SLC5A6: variants seen among roughly 807,000 people sequenced by gnomAD.
SLC5A6 encodes sodium-dependent multivitamin transporter.
A neutral mutation model predicts 67.9 loss-of-function variants in SLC5A6; 31 were observed. The ratio of observed to expected loss-of-function variants is 0.46; its 90% CI spans 0.34 to 0.62. SLC5A6 has a LOEUF of 0.62. SLC5A6 is among the 20% of genes least tolerant of loss of function. The pLI is 0.01. For missense variants in SLC5A6, 673 were observed against 812.8 expected (o/e 0.83, Z 2.09); for synonymous variants, 343 against 331.0 (o/e 1.04, Z -0.39).
chr2:27,210,975 G>A (rs1230511860), intron 2 of SLC5A6, among the ~76,000 whole-genome samples: 1 of 152,188 alleles, frequency 6.6e-6, no homozygotes, highest in Non-Finnish European at 1.5e-5. Context: ...AGTGAGCCGA[G>A]ATCGCGCCAC....
upstream of SLC5A6, chr2:27,212,408 C>T: frequency 6.4e-7 from 1 of 1,552,264 alleles, no homozygotes; most frequent in Non-Finnish European, 8.7e-7. Context: ...GACCCTGGTG[C>T]CCTGGGCTGC....
rs1674194550 is a variant in SLC5A6, at chr2:27,207,931, T to C, written c.-140-141A>G. The stretch of plus-strand genomic sequence containing the variant: ...AAGGTCTAGAGGCCCTGGTATGGGT[T>C]TGGTAGGGGACATAAGTGAGGGAGA... On this transcript the variant is annotated intron_variant, in intron 2 of 16. Transcript: ENST00000310574. This position sits in a 1 kb window ranked among gnomAD's most constrained non-coding sequence, Gnocchi z 5.5. 1 of 488,564 alleles carries C rather than the reference T, an allele frequency of 2.0e-6. No homozygotes were observed. The allele number at this position is 488,564 out of a possible 1,614,324, so 30.3% of individuals were successfully genotyped here. A position where few individuals can be genotyped will look rare whatever the true frequency, so the allele number is the denominator to read the frequency against.
chr2:27,202,583 G>C (rs1005665288), intron 12 of SLC5A6, among the ~76,000 whole-genome samples: 4 of 145,198 alleles, frequency 2.8e-5, no homozygotes, highest in Non-Finnish European at 6.1e-5. Context: ...TGTGTTTTGA[G>C]TTCTCTGAGG....
chr2:27,212,549 C>T, upstream of SLC5A6: 1 of 1,495,640 alleles, frequency 6.7e-7, no homozygotes, highest in Non-Finnish European at 8.9e-7. Flanking sequence ...TCCCCCTTCT[C>T]CTCGGCGGGC....
rs1673523280 is a variant in SLC5A6 at position 27,200,354 on chromosome 2, C to A, written c.*82G>T. The A allele has an allele frequency of 1.4e-6, 2 of 1,420,916 alleles. No homozygotes were observed. Among genetic ancestry groups the A allele is most frequent in the African/African-American group, 1.4e-5 (1 of 70,372 alleles). The allele number at this position is 1,420,916 out of a possible 1,614,324, so 88.0% of individuals were successfully genotyped here. A position where few individuals can be genotyped will look rare whatever the true frequency, so the allele number is the denominator to read the frequency against. ...TCCAGGCCTGTCCCTGCAGAACACA[C>A]CAAGACTCATCCCTGTACTACAGGG... is the stretch of plus-strand genomic sequence containing the variant. On this transcript the variant is annotated 3_prime_UTR_variant, in exon 17 of 17. Coordinates refer to ENST00000310574, the MANE Select transcript of SLC5A6 (RefSeq NM_021095.4).
At chr2:27,209,029 G>A (rs1674278031) in intron 2 of SLC5A6, among the ~76,000 whole-genome samples, 1 of 152,186 alleles carries the variant, frequency 6.6e-6, no homozygotes, top group Non-Finnish European at 1.5e-5. Context: ...GAGAAAGAGG[G>A]AAGGGATCAT....
At chr2:27,202,486 A>G (rs184179507) in intron 12 of SLC5A6, among the ~76,000 whole-genome samples, 6 of 122,396 alleles carry the variant, frequency 4.9e-5, no homozygotes, top group Non-Finnish European at 9.8e-5. Context: ...CCTGAGCAAC[A>G]GAATGAGACT....
At position 27,205,442 on chromosome 2, in the gene SLC5A6, C is replaced by G. The variant is rs201198229; in HGVS notation, c.642G>C (p.Gln214His). The G allele has an allele frequency of 5.0e-6, 8 of 1,614,202 alleles. No homozygotes were observed. The East Asian group carries it at 1.6e-4, about 31-fold the overall frequency. ...CTGACCCCACAATGATAACTGCCAGCTGCCCGAGGAACATGACCAGTGTCT... is the reference window on the plus strand; with the variant it reads ...CTGACCCCACAATGATAACTGCCAGGTGCCCGAGGAACATGACCAGTGTCT... ...VFQTLVMFLG[Q>H]LAVIIVGSAK... is the part of the protein sequence containing the mutation. The change falls in exon 7 of 17, where the codon CAG becomes CAC. Residue 214 changes from glutamine (Q) to histidine (H), a missense_variant. Transcript: ENST00000310574.
Position 27,203,806 on chromosome 2 carries a change from A to G in SLC5A6, c.1067T>C (p.Ile356Thr), listed in dbSNP as rs1042455362. The G allele has an allele frequency of 1.2e-5, 20 of 1,613,936 alleles. No homozygotes were observed. Among genetic ancestry groups the G allele is most frequent in the Non-Finnish European group, 1.7e-5 (20 of 1,179,940 alleles). The change falls in exon 10 of 17, where the codon ATT becomes ACT. Residue 356 changes from isoleucine (I) to threonine (T), a missense_variant. Transcript: ENST00000310574. ...GAGAGAGCCGCTGAAGAGGCAGGCA[A>G]TGAAGAGCCCTGGCAGGCCTGGCAG... ...KGLPGLPGLF[I>T]ACLFSGSLST...
Position 27,201,826 on chromosome 2 carries a change from C to G in SLC5A6, c.1384G>C (p.Ala462Pro), listed in dbSNP as rs376060817. ...ATCCAGAAGGCCATGACGAGCCCAG[C>G]CAACAGGCCCACAACAGCACCCTGC... The part of the protein sequence containing the change: ...NPPGAVVGLL[A>P]GLVMAFWIGI... Residue 462 changes from alanine to proline, a missense_variant, in exon 14 of 17, where the codon GCT becomes CCT. Ala to Pro is a conservative substitution (Grantham distance 27, BLOSUM62 -1). Coordinates refer to ENST00000310574, the MANE Select transcript of SLC5A6 (RefSeq NM_021095.4). The G allele has an allele frequency of 6.2e-7, 1 of 1,613,998 alleles. No homozygotes were observed. The highest frequency in any genetic ancestry group is 8.5e-7 in the Non-Finnish European group (1 of 1,179,986).
At chr2:27,201,628 G>A (rs1006898) in intron 14 of SLC5A6, 38 bp downstream of exon 14, 1,443,428 of 1,595,984 alleles carry the variant, frequency 0.9, 660,758 homozygotes, top group East Asian at 1. Flanking sequence ...TCAAAGGAGG[G>A]CTTTGAGAAA....
chr2:27,211,393 C>A (rs552535974), intron 2 of SLC5A6, 74 bp downstream of exon 2: 4 of 152,490 alleles, frequency 2.6e-5, no homozygotes, highest in African/African-American at 9.6e-5. Context: ...CACTGTCGCG[C>A]CGGGAGCAGG....
rs1377596116 is a variant in SLC5A6 at position 27,206,148 on chromosome 2, A to C, written c.512-55T>G. ...CTGGAAAAGGGTTCCCCAGGGGAGA[A>C]GCCCTGGTAGGGCAATCACGTCATG... On this transcript the variant is annotated intron_variant, in intron 5 of 16. Transcript: ENST00000310574. 2.6e-5 allele frequency: 38 copies of C among 1,478,162 alleles called. No individual in the cohort carries two copies. The South Asian group carries it at 4.3e-4, about 17-fold the overall frequency. The allele number at this position is 1,478,162 out of a possible 1,614,324, so 91.6% of individuals were successfully genotyped here. A position where few individuals can be genotyped will look rare whatever the true frequency, so the allele number is the denominator to read the frequency against.
At position 27,200,559 on chromosome 2, in the gene SLC5A6, C is replaced by T. The variant is rs774571485; in HGVS notation, c.1785G>A (p.Leu595=). 3 of 1,613,588 alleles carry T rather than the reference C, an allele frequency of 1.9e-6. No individual in the cohort carries two copies. The highest frequency in any genetic ancestry group is 2.5e-6 in the Non-Finnish European group (3 of 1,179,640). Residue 595 remains leucine (L), a synonymous_variant, in exon 17 of 17, where the codon CTG becomes CTA. Coordinates refer to ENST00000310574, the MANE Select transcript of SLC5A6 (RefSeq NM_021095.4). ...CACCATTCCTCGGCTTCTCAGGAAA[C>T]AGGCCAGTGTCGAGGTGGTCCTGCA... The part of the protein sequence containing the change: ...SYGQDHLDTG[L]FPEKPRNGVL...
At chr2:27,202,710 G>T in intron 12 of SLC5A6, 103 bp downstream of exon 12, 2 of 999,100 alleles carry the variant, frequency 2.0e-6, no homozygotes, top group Non-Finnish European at 3.2e-6. Context: ...TCTTACGCCT[G>T]CCCCCCGGTC....
intron 2 of SLC5A6, among the ~76,000 whole-genome samples, chr2:27,208,205 A>G (rs1376757745): frequency 2.6e-5 from 4 of 152,210 alleles, no homozygotes; most frequent in Admixed American, 1.3e-4. Flanking sequence ...ATGGAGACTA[A>G]TGGCAGCAGG....
At chr2:27,212,291 G>A, upstream of SLC5A6, 4 of 1,552,816 alleles carry the variant, frequency 2.6e-6, no homozygotes, top group Non-Finnish European at 3.5e-6. Context: ...CCACGCCCGG[G>A]GAAGAGGGCC....
At chr2:27,206,131 G>T in intron 5 of SLC5A6, 38 bp from the exon 6 acceptor site, 7 of 1,586,886 alleles carry the variant, frequency 4.4e-6, no homozygotes, top group Non-Finnish European at 6.1e-6. Context: ...CCCTGGAAAA[G>T]GGTTCCCCAG....
In SLC5A6 at chr2:27,212,093, G is replaced by A. The variant is rs1674575165; in HGVS notation, c.-281C>T. The A allele has an allele frequency of 1.4e-6, 2 of 1,415,216 alleles. No homozygotes were observed. Among genetic ancestry groups the A allele is most frequent in the African/African-American group, 1.5e-5 (1 of 65,894 alleles). 87.7% of individuals were successfully genotyped at this position (1,415,216 alleles called of 1,614,324 possible). ...GTCCGGACGCGGGGAACACCGGGCT[G>A]AGGGAGTCTGCAGTCGGCTCCGGGA... On this transcript the variant is annotated 5_prime_UTR_variant, in exon 1 of 17. Coordinates refer to ENST00000310574, the MANE Select transcript of SLC5A6 (RefSeq NM_021095.4).
Sources: gnomAD v4.1 joint callset for allele counts (sites outside exome capture counted in the v4.1 genomes callset) on GRCh38, gnomAD v4.1.1 for gene constraint, Gnocchi (gnomAD v3.1) non-coding constraint, MANE v1.5 for transcripts, NCBI Gene and HGNC (gene_info 2026-07-23, HGNC 2026-07-21) for gene names.